SEM1: variants seen among roughly 807,000 people sequenced by gnomAD.
The protein encoded by SEM1 is SEM1 26S proteasome subunit.
Under a neutral mutation model 12.7 loss-of-function variants are expected in SEM1, and 3 were observed. That is an observed-to-expected ratio of 0.24 (90% CI 0.11 to 0.61). The LOEUF (loss-of-function observed/expected upper bound fraction) is 0.61. SEM1 is among the 20% of genes least tolerant of loss of function. The probability of loss-of-function intolerance (pLI) is 0.88; values close to 1 mark genes in which losing one functional copy is unlikely to be tolerated. For synonymous variants in SEM1, 30 were observed against 27.8 expected, an observed-to-expected ratio of 1.08 and a Z score of -0.25; for missense variants, 59 against 81.3, an observed-to-expected ratio of 0.73 and a Z score of 1.06.
intron 2 of SEM1, among the ~76,000 whole-genome samples, chr7:96,607,350 G>GATTTATC (rs1430934979): frequency 2.6e-5 from 4 of 152,160 alleles, no homozygotes; most frequent in Non-Finnish European, 5.9e-5. Context: ...AAACCCACAG[G>GATTTATC]ATTTATCTCA....
intron 2 of SEM1, among the ~76,000 whole-genome samples, chr7:96,613,366 C>G (rs940986682): frequency 1.6e-4 from 25 of 152,224 alleles, no homozygotes; most frequent in South Asian, 1.5e-3. Context: ...TAAAGAAAAC[C>G]TATAACACAT....
intron 2 of SEM1, among the ~76,000 whole-genome samples, chr7:96,533,246 T>C (rs1323227073): frequency 6.6e-6 from 1 of 152,046 alleles, no homozygotes; most frequent in African/African-American, 2.4e-5. Context: ...GCTTTGTGTG[T>C]ATTCAGGAAT....
At chr7:96,628,325 T>C (rs886405762) in intron 2 of SEM1, among the ~76,000 whole-genome samples, 1 of 152,146 alleles carries the variant, frequency 6.6e-6, no homozygotes, top group African/African-American at 2.4e-5. Flanking sequence ...CTTTTTAATT[T>C]TCCTCCTGTC....
At chr7:96,581,896 A>T (rs1326401744) in intron 2 of SEM1, among the ~76,000 whole-genome samples, 1 of 152,158 alleles carries the variant, frequency 6.6e-6, no homozygotes, top group Non-Finnish European at 1.5e-5. Flanking sequence ...TTTTCTAGAT[A>T]CACAATCGTG....
intron 1 of SEM1, among the ~76,000 whole-genome samples, chr7:96,709,269 G>A (rs1193936815): frequency 6.6e-6 from 1 of 152,210 alleles, no homozygotes; most frequent in African/African-American, 2.4e-5. Flanking sequence ...TAAAAGTTAA[G>A]CAGCATTGGC....
chr7:96,519,355 T>G (rs1804197568), intron 2 of SEM1, among the ~76,000 whole-genome samples: 1 of 152,170 alleles, frequency 6.6e-6, no homozygotes, highest in African/African-American at 2.4e-5. Flanking sequence ...TCCTCTCCTC[T>G]TAGGACTTAA....
intron 1 of SEM1, chr7:96,708,039 G>C (rs1048931311): frequency 1.3e-5 from 2 of 152,160 alleles, no homozygotes; most frequent in African/African-American, 4.8e-5. Flanking sequence ...CAAGGTGATA[G>C]TGATAATTAG....
chr7:96,681,463 A>G (rs1233524519), intron 2 of SEM1, among the ~76,000 whole-genome samples: 1 of 152,078 alleles, frequency 6.6e-6, no homozygotes, highest in African/African-American at 2.4e-5. Context: ...GTTTCTGGGT[A>G]CAAGTAACAA....
intron 1 of SEM1, among the ~76,000 whole-genome samples, chr7:96,494,725 G>A (rs868606640): frequency 3.0e-4 from 45 of 151,714 alleles, no homozygotes; most frequent in Admixed American, 6.6e-5. Flanking sequence ...AGAAGGGGGT[G>A]GAGAGAGAGC....
At chr7:96,647,430 T>C (rs1808832754) in intron 2 of SEM1, 1 of 152,198 alleles carries the variant, frequency 6.6e-6, no homozygotes, top group South Asian at 2.1e-4. Flanking sequence ...AATAGTTACG[T>C]ATGGTTTCTT....
At chr7:96,571,100 A>G (rs1012622560) in intron 2 of SEM1, among the ~76,000 whole-genome samples, 5 of 151,896 alleles carry the variant, frequency 3.3e-5, no homozygotes, top group Non-Finnish European at 1.5e-5. Context: ...GATTTTGGAT[A>G]TTAGCCCTTT....
At chr7:96,494,897 G>A (rs1373355312) in intron 1 of SEM1, among the ~76,000 whole-genome samples, 1 of 122,134 alleles carries the variant, frequency 8.2e-6, no homozygotes, top group Admixed American at 8.4e-5. Flanking sequence ...GGGGTGAAGA[G>A]AGAGCAAGAG....
intron 2 of SEM1, among the ~76,000 whole-genome samples, chr7:96,610,008 G>C (rs10226188): frequency 6.6e-6 from 1 of 152,076 alleles, no homozygotes; most frequent in Admixed American, 6.5e-5. Context: ...GGCTGGACCA[G>C]TTAAAGAGCT....
chr7:96,684,720 T>A (rs976297859), downstream of SEM1, among the ~76,000 whole-genome samples: 3 of 152,016 alleles, frequency 2.0e-5, no homozygotes, highest in Non-Finnish European at 4.4e-5. Context: ...TTGAGAAGGA[T>A]AATGAAGGGT....
intron 2 of SEM1, among the ~76,000 whole-genome samples, chr7:96,606,329 A>T (rs1045909167): frequency 1.3e-5 from 2 of 152,234 alleles, no homozygotes; most frequent in African/African-American, 4.8e-5. Context: ...AAGGGCAAAA[A>T]ATATGGATAG....
chr7:96,540,648 AACATTTGC>A (rs1804918293), intron 2 of SEM1, among the ~76,000 whole-genome samples: 1 of 151,772 alleles, frequency 6.6e-6, no homozygotes, highest in Admixed American at 6.6e-5. Flanking sequence ...ATTCAGGGGG[AACATTTGC>A]ACGTTTGTTA....
At chr7:96,590,006 A>C (rs1018487072) in intron 2 of SEM1, among the ~76,000 whole-genome samples, 1 of 152,086 alleles carries the variant, frequency 6.6e-6, no homozygotes, top group Non-Finnish European at 1.5e-5. Flanking sequence ...ACTAGAATGC[A>C]AAAAAAGGCA....
intron 2 of SEM1, among the ~76,000 whole-genome samples, chr7:96,665,869 ACT>A (rs1475591924): frequency 2.0e-5 from 3 of 152,252 alleles, no homozygotes; most frequent in Admixed American, 1.3e-4. Flanking sequence ...GTCCTCACTG[ACT>A]CTTCACAATC....
At chr7:96,651,527 C>G (rs931149683) in intron 2 of SEM1, among the ~76,000 whole-genome samples, 3 of 152,152 alleles carry the variant, frequency 2.0e-5, no homozygotes, top group African/African-American at 7.2e-5. Flanking sequence ...GAAGAAGAAG[C>G]TTCAACCCAC....
Sources: gnomAD v4.1 joint callset for allele counts (sites outside exome capture counted in the v4.1 genomes callset) on GRCh38, gnomAD v4.1.1 for gene constraint, MANE v1.5 for transcripts, NCBI Gene and HGNC (gene_info 2026-07-23, HGNC 2026-07-21) for gene names.